Variants in ATP7B observed in about 807,000 individuals in gnomAD.
ATP7B encodes the protein ATPase copper transporting beta.
ATP7B carries 113 observed loss-of-function variants against 118.9 expected under a neutral mutation model. That is an observed-to-expected ratio of 0.95 (90% CI 0.82 to 1.11). The LOEUF (loss-of-function observed/expected upper bound fraction) is 1.11. Ranked by LOEUF, ATP7B falls within the 50% of genes most tolerant of loss-of-function variation. The probability of loss-of-function intolerance (pLI) is 0.00; values close to 1 mark genes in which losing one functional copy is unlikely to be tolerated. For missense variants in ATP7B, 1,867 were observed against 1,871.4 expected, an observed-to-expected ratio of 1.00 and a Z score of 0.04; for synonymous variants, 777 against 727.4, an observed-to-expected ratio of 1.07 and a Z score of -1.10.
chr13:51,967,223 A>T, intron 4 of ATP7B: 4 of 1,048,362 alleles, frequency 3.8e-6, no homozygotes, highest in Non-Finnish European at 4.3e-6. Context: ...AAATCTCCAT[A>T]CTGTTTCTTT....
At chr13:51,951,554 T>C (rs951431196) in intron 9 of ATP7B, among the ~76,000 whole-genome samples, 2 of 151,948 alleles carry the variant, frequency 1.3e-5, no homozygotes, top group African/African-American at 4.8e-5. Context: ...TTTAAAGCCA[T>C]GAGATCATAT....
chr13:51,963,994 T>C (rs1207595215), intron 5 of ATP7B, among the ~76,000 whole-genome samples: 3 of 151,826 alleles, frequency 2.0e-5, no homozygotes, highest in Non-Finnish European at 4.4e-5. Context: ...GAGGTTGCAG[T>C]GAGCCAAAAT....
At chr13:51,985,132 A>G (rs1383144109) in intron 1 of ATP7B, among the ~76,000 whole-genome samples, 1 of 152,280 alleles carries the variant, frequency 6.6e-6, no homozygotes, top group East Asian at 1.9e-4. Flanking sequence ...CGAATTGGAT[A>G]AAGAGTCAAG....
In ATP7B at chr13:51,949,678, A is replaced by G; in HGVS notation, c.2849T>C (p.Val950Ala). Residue 950 changes from valine (V) to alanine (A), a missense_variant, in exon 12 of 21, where the codon GTT (valine) becomes GCT (alanine). By Grantham distance (64) the Val-to-Ala change is moderately conservative. Coordinates refer to ENST00000242839, the MANE Select transcript of ATP7B (RefSeq NM_000053.4). Reference sequence around the variant, plus strand: ...TCAACTTACAGGAAAGTATCTCTGAACAACACCAAAATCGATAAAACCGAT... The same window carrying G: ...TCAACTTACAGGAAAGTATCTCTGAGCAACACCAAAATCGATAAAACCGAT... ...IVIGFIDFGV[V>A]QRYFPNPNKH... is the part of the protein sequence containing the mutation. 2 of 1,614,014 alleles carry G rather than the reference A, an allele frequency of 1.2e-6. No individual in the cohort carries two copies. The highest frequency in any genetic ancestry group is 1.7e-6 in the Non-Finnish European group (2 of 1,180,028).
At chr13:51,993,085 G>A (rs1953003777) in intron 1 of ATP7B, among the ~76,000 whole-genome samples, 1 of 149,652 alleles carries the variant, frequency 6.7e-6, no homozygotes, top group Non-Finnish European at 1.5e-5. Context: ...AAGATAGTAT[G>A]TATAATTTGA....
At position 51,968,719 on chromosome 13, in the gene ATP7B, C is replaced by T. The variant is rs185085020; in HGVS notation, c.1544-112G>A. 209 of 1,316,934 alleles carry T rather than the reference C, an allele frequency of 1.6e-4. No homozygotes were observed. In the Middle Eastern group the frequency reaches 2.3e-3, roughly 14 times the overall value. The allele number at this position is 1,316,934 out of a possible 1,614,324, so 81.6% of individuals were successfully genotyped here. On this transcript the variant is annotated intron_variant, in intron 3 of 20. Coordinates refer to ENST00000242839, the MANE Select transcript of ATP7B (RefSeq NM_000053.4). The stretch of plus-strand genomic sequence containing the variant: ...ATCTTCCCAGAATCCTCTAGAACAG[C>T]AGTTTTCAAACACTGTTTGAAAATG...
intron 16 of ATP7B, among the ~76,000 whole-genome samples, chr13:51,939,893 T>C (rs61957450): frequency 0.14 from 21,467 of 151,908 alleles, 1,767 homozygotes; most frequent in African/African-American, 0.23. Flanking sequence ...CTTGCTTGCA[T>C]ATACTGTTAC....
chr13:51,980,469 G>C (rs997404986), intron 1 of ATP7B, among the ~76,000 whole-genome samples: 1 of 152,098 alleles, frequency 6.6e-6, no homozygotes, highest in Non-Finnish European at 1.5e-5. Flanking sequence ...GAGAGTGCCA[G>C]GGCTTTTAAA....
intron 17 of ATP7B, among the ~76,000 whole-genome samples, chr13:51,938,123 T>A (rs1282427381): frequency 6.6e-6 from 1 of 152,172 alleles, no homozygotes; most frequent in Non-Finnish European, 1.5e-5. Flanking sequence ...TGGCAGCTGG[T>A]GCCACACTTG....
chr13:51,980,995 A>G (rs1453029132), intron 1 of ATP7B, among the ~76,000 whole-genome samples: 1 of 152,204 alleles, frequency 6.6e-6, no homozygotes, highest in Admixed American at 6.5e-5. Context: ...CAAATAATTA[A>G]TGATTCTGAG....
intron 6 of ATP7B, among the ~76,000 whole-genome samples, chr13:51,960,985 C>T (rs1958699332): frequency 6.6e-6 from 1 of 151,970 alleles, no homozygotes; most frequent in African/African-American, 2.4e-5. Flanking sequence ...TGTTGGACTG[C>T]TACCCAAGAA....
chr13:51,980,846 G>A (rs1361179803), intron 1 of ATP7B, among the ~76,000 whole-genome samples: 1 of 152,118 alleles, frequency 6.6e-6, no homozygotes, highest in Non-Finnish European at 1.5e-5. Context: ...AACAACTTAT[G>A]AGGCAAACAT....
chr13:51,991,639 C>T lies in ATP7B; in HGVS notation c.52-16471G>A, dbSNP rs187843242. On this transcript the variant is annotated intron_variant, in intron 1 of 20. Coordinates refer to ENST00000242839, the MANE Select transcript of ATP7B (RefSeq NM_000053.4). ...GAACAACTTTCTAGTAACCTCCAACCATTTCCCACCTGCCAAGACAAGTAG... is the reference window on the plus strand; with the variant it reads ...GAACAACTTTCTAGTAACCTCCAACTATTTCCCACCTGCCAAGACAAGTAG... Among the ~76,000 whole-genome samples, 18 of 152,288 alleles carry T rather than the reference C, an allele frequency of 1.2e-4. No homozygotes were observed. In the East Asian group the frequency reaches 3.5e-3, roughly 29 times the overall value.
At chr13:51,989,783 T>A (rs976752092) in intron 1 of ATP7B, among the ~76,000 whole-genome samples, 2 of 152,186 alleles carry the variant, frequency 1.3e-5, no homozygotes, top group Non-Finnish European at 2.9e-5. Context: ...ATTGTAACAA[T>A]TATTCCATCT....
chr13:51,983,674 T>C (rs1952525219), intron 1 of ATP7B, among the ~76,000 whole-genome samples: 1 of 151,936 alleles, frequency 6.6e-6, no homozygotes, highest in Non-Finnish European at 1.5e-5. Context: ...CTGGCTGGCA[T>C]CTGGCAGGTG....
At chr13:52,007,395 C>T (rs980840412) in intron 1 of ATP7B, among the ~76,000 whole-genome samples, 1 of 152,086 alleles carries the variant, frequency 6.6e-6, no homozygotes, top group Admixed American at 6.5e-5. Flanking sequence ...GCTCAGTTTC[C>T]CCATCTGTAA....
At chr13:51,994,700 C>A (rs73184327) in intron 1 of ATP7B, among the ~76,000 whole-genome samples, 1,892 of 152,262 alleles carry the variant, frequency 0.012, 14 homozygotes, top group South Asian at 0.019. Flanking sequence ...CAATGAACAG[C>A]ACAAAAATAA....
At chr13:51,943,526 G>A (rs1435163545) in intron 14 of ATP7B, among the ~76,000 whole-genome samples, 1 of 152,164 alleles carries the variant, frequency 6.6e-6, no homozygotes, top group Non-Finnish European at 1.5e-5. Flanking sequence ...AAAGTTGTCA[G>A]GGCAATATTC....
At chr13:51,995,378 G>A (rs1465507015) in intron 1 of ATP7B, 8 of 981,272 alleles carry the variant, frequency 8.2e-6, no homozygotes, top group Middle Eastern at 1.0e-3. Context: ...TTCCTCTGAC[G>A]GTGGAGTGCC....
Sources: allele counts gnomAD v4.1 joint callset (sites outside exome capture counted in the v4.1 genomes callset), GRCh38; gene constraint gnomAD v4.1.1; transcripts MANE v1.5; gene names NCBI Gene and HGNC (gene_info 2026-07-23, HGNC 2026-07-21).